Variants in EIF2AK2 observed in about 807,000 individuals in gnomAD.
The protein encoded by EIF2AK2 is eukaryotic translation initiation factor 2 alpha kinase 2.
Under a neutral mutation model 70.5 loss-of-function variants are expected in EIF2AK2, and 40 were observed. The observed-to-expected ratio is 0.57, with a 90% CI of 0.44 to 0.74. EIF2AK2 has a LOEUF of 0.74. Among genes scored for constraint, EIF2AK2 ranks in the 30% least tolerant of loss-of-function variants. The pLI, the probability that EIF2AK2 is intolerant of heterozygous loss-of-function variation, is 0.00. For missense variants in EIF2AK2, 555 were observed against 644.3 expected, an observed-to-expected ratio of 0.86 and a Z score of 1.50; for synonymous variants, 198 against 220.9, an observed-to-expected ratio of 0.90 and a Z score of 0.92.
At chr2:37,131,880 C>G (rs1318548482) in intron 10 of EIF2AK2, among the ~76,000 whole-genome samples, 1 of 152,074 alleles carries the variant, frequency 6.6e-6, no homozygotes, top group Non-Finnish European at 1.5e-5. Flanking sequence ...AGCATTAACC[C>G]TAGCAAAAAA....
intron 1 of EIF2AK2, among the ~76,000 whole-genome samples, chr2:37,151,654 T>G (rs954018817): frequency 2.0e-5 from 3 of 152,224 alleles, no homozygotes; most frequent in Non-Finnish European, 4.4e-5. Flanking sequence ...ATAGCAGCAC[T>G]GTTAACAATA....
rs574333995 is a variant in EIF2AK2, at chr2:37,141,787, A to G, written c.241-86T>C. The G allele has an allele frequency of 1.0e-4, 135 of 1,346,946 alleles. No individual in the cohort carries two copies. In the African/African-American group the frequency reaches 1.9e-3, roughly 19 times the overall value. 83.4% of individuals were successfully genotyped at this position (1,346,946 alleles called of 1,614,324 possible). ...ATCATTCTTCTAATAAAATTACTAA[A>G]TGAGCAATTTGAAAGACAACTTGGA... On this transcript the variant is annotated intron_variant, in intron 4 of 16. Coordinates refer to ENST00000233057, the MANE Select transcript of EIF2AK2 (RefSeq NM_001135651.3).
chr2:37,153,358 T>TTTTTTTTTG (rs1675813865), intron 1 of EIF2AK2, among the ~76,000 whole-genome samples: 1 of 148,896 alleles, frequency 6.7e-6, no homozygotes. Context: ...TTTTTTTTTT[T>TTTTTTTTTG]GAGACAGGGT....
At position 37,099,241 on chromosome 2, in the gene EIF2AK2, G is replaced by T. The variant is rs1357005822; in HGVS notation, c.*8032C>A. On this transcript the variant is annotated 3_prime_UTR_variant, in exon 17 of 17. Transcript: ENST00000233057. Reference sequence around the variant, plus strand: ...TTTCTAATAAACATTTATTTCAAGTGTTATTTGTTAAACATTTAATTGTTG... The same window carrying T: ...TTTCTAATAAACATTTATTTCAAGTTTTATTTGTTAAACATTTAATTGTTG... 6.6e-6 allele frequency: 1 copy of T among 152,092 alleles called. No homozygotes were observed. The highest frequency in any genetic ancestry group is 2.4e-5 in the African/African-American group (1 of 41,416). 9.4% of individuals were successfully genotyped at this position (152,092 alleles called of 1,614,324 possible).
intron 11 of EIF2AK2, 23 bp from the exon 12 acceptor site, chr2:37,122,687 A>G: frequency 6.2e-7 from 1 of 1,614,002 alleles, no homozygotes. Context: ...AACAGGGAAC[A>G]TGGCAGTGTC....
At chr2:37,122,749 T>C in intron 11 of EIF2AK2, 85 bp from the exon 12 acceptor site, 1 of 1,521,212 alleles carries the variant, frequency 6.6e-7, no homozygotes, top group Non-Finnish European at 9.0e-7. Flanking sequence ...TAGACAACTG[T>C]CTACATTCCC....
chr2:37,116,063 A>T (rs1674330349), intron 13 of EIF2AK2, among the ~76,000 whole-genome samples: 1 of 151,448 alleles, frequency 6.6e-6, no homozygotes, highest in African/African-American at 2.4e-5. Flanking sequence ...CGCTTGGCTA[A>T]TTTTTTTGTA....
At chr2:37,138,219 A>G (rs2148700558) in intron 8 of EIF2AK2, 51 bp downstream of exon 8, 1 of 1,382,308 alleles carries the variant, frequency 7.2e-7, no homozygotes, top group African/African-American at 1.5e-5. Flanking sequence ...TAAATGAGGA[A>G]ACGCACAGAA....
intron 10 of EIF2AK2, among the ~76,000 whole-genome samples, chr2:37,133,502 G>A (rs1675020413): frequency 6.6e-6 from 1 of 152,208 alleles, no homozygotes. Flanking sequence ...AAAATGGAAG[G>A]GGCCTTACCA....
At chr2:37,138,466 A>T in intron 7 of EIF2AK2, 43 bp downstream of exon 7, 1 of 1,605,622 alleles carries the variant, frequency 6.2e-7, no homozygotes, top group Non-Finnish European at 8.5e-7. Flanking sequence ...TTCAGACAGA[A>T]ATATGAATAT....
chr2:37,136,799 G>T, intron 9 of EIF2AK2, 184 bp downstream of exon 9: 1 of 498,278 alleles, frequency 2.0e-6, no homozygotes, highest in Non-Finnish European at 3.6e-6. Context: ...TTACAGTGTA[G>T]CATGTGCACA....
intron 10 of EIF2AK2, among the ~76,000 whole-genome samples, chr2:37,127,504 C>T (rs548302007): frequency 3.9e-5 from 6 of 152,300 alleles, no homozygotes; most frequent in African/African-American, 1.4e-4. Flanking sequence ...CTGTGCCCCT[C>T]CTCATTGCAC....
At position 37,137,033 on chromosome 2, in the gene EIF2AK2, A is replaced by G. The variant is rs866304131; in HGVS notation, c.688-16T>C. 1.1e-5 allele frequency: 18 copies of G among 1,598,074 alleles called. 2 individuals carry two copies. The Middle Eastern group carries it at 2.2e-3, about 193-fold the overall frequency. On this transcript the variant is annotated splice_polypyrimidine_tract_variant and intron_variant, in intron 8 of 16. Coordinates refer to ENST00000233057, the MANE Select transcript of EIF2AK2 (RefSeq NM_001135651.3). ...TGAGACCATTCTATAACAAAAGAAA[A>G]TGAGAAATAGTTTCAGATGACTAAA...
At position 37,107,120 on chromosome 2, in the gene EIF2AK2, C is replaced by A; in HGVS notation, c.*153G>T. 1.7e-5 allele frequency: 16 copies of A among 950,116 alleles called. No homozygotes were observed. Among genetic ancestry groups the A allele is most frequent in the East Asian group, 6.2e-5 (2 of 32,278 alleles). The allele number at this position is 950,116 out of a possible 1,614,324, so 58.9% of individuals were successfully genotyped here. Reference sequence around the variant, plus strand: ...TGTTTTTGAAGCAAAAAGAAGAAAACCTTTCTGTTTCTGCAGAAAGATTAG... The same window carrying A: ...TGTTTTTGAAGCAAAAAGAAGAAAAACTTTCTGTTTCTGCAGAAAGATTAG... On this transcript the variant is annotated 3_prime_UTR_variant, in exon 17 of 17. Transcript: ENST00000233057.
intron 6 of EIF2AK2, among the ~76,000 whole-genome samples, chr2:37,138,987 T>C (rs1045162334): frequency 2.0e-5 from 3 of 147,750 alleles, no homozygotes; most frequent in African/African-American, 7.6e-5. Flanking sequence ...TGTAGCGACA[T>C]GGTTTTGCTG....
intron 14 of EIF2AK2, among the ~76,000 whole-genome samples, chr2:37,111,226 T>C (rs6544055): frequency 0.038 from 5,813 of 152,150 alleles, 153 homozygotes; most frequent in Non-Finnish European, 0.055. Context: ...TGTATGGTGG[T>C]GATGAAAGCA....
In EIF2AK2 at chr2:37,120,059, C is replaced by T; in HGVS notation, c.1148G>A (p.Gly383Asp). The change falls in exon 13 of 17, where the codon GGC becomes GAC. Residue 383 changes from glycine to aspartate, a missense_variant. By Grantham distance (94) the Gly-to-Asp change is moderately conservative. Transcript: ENST00000233057. ...TLEQWIEKRR[G>D]EKLDKVLALE... ...AGCCAAAACTTTGTCTAGTTTCTCG[C>T]CTCTTCTTTTTTCAATCCATTGTTC... 1.3e-6 allele frequency: 2 copies of T among 1,550,964 alleles called. No homozygotes were observed.
At chr2:37,122,322 G>C (rs774314224) in intron 12 of EIF2AK2, among the ~76,000 whole-genome samples, 184 bp downstream of exon 12, 2 of 152,188 alleles carry the variant, frequency 1.3e-5, no homozygotes, top group Non-Finnish European at 2.9e-5. Context: ...TCTGCAGCAA[G>C]AGGAGGAGCA....
intron 11 of EIF2AK2, among the ~76,000 whole-genome samples, chr2:37,122,891 G>A (rs1674604798): frequency 6.6e-6 from 1 of 152,184 alleles, no homozygotes. Context: ...GCAGTGGCCG[G>A]GCGCGGTGGC....
Sources: allele counts gnomAD v4.1 joint callset (sites outside exome capture counted in the v4.1 genomes callset), GRCh38; gene constraint gnomAD v4.1.1; transcripts MANE v1.5; gene names NCBI Gene and HGNC (gene_info 2026-07-23, HGNC 2026-07-21).